PLEKHA5: variants seen among roughly 807,000 people sequenced by gnomAD.
The protein encoded by PLEKHA5 is pleckstrin homology domain-containing family A member 5.
PLEKHA5 carries 55 observed loss-of-function variants against 181.9 expected under a neutral mutation model. The observed-to-expected ratio is 0.30, with a 90% CI of 0.24 to 0.38. The LOEUF is 0.38. PLEKHA5 is among the 10% of genes least tolerant of loss of function. The probability of loss-of-function intolerance (pLI) is 1.00; values close to 1 mark genes in which losing one functional copy is unlikely to be tolerated. For missense variants in PLEKHA5, 1,432 were observed against 1,549.5 expected (o/e 0.92, Z 1.27); for synonymous variants, 535 against 529.4 (o/e 1.01, Z -0.15).
intron 25 of PLEKHA5, among the ~76,000 whole-genome samples, chr12:19,350,864 G>A (rs928671095): frequency 6.7e-5 from 10 of 149,540 alleles, no homozygotes; most frequent in Admixed American, 2.0e-4. Flanking sequence ...ATCTAATGTC[G>A]TTTTTTAAAT....
intron 11 of PLEKHA5, 123 bp downstream of exon 11, chr12:19,275,106 A>G: frequency 7.9e-6 from 5 of 636,240 alleles, no homozygotes; most frequent in Middle Eastern, 3.7e-4. Flanking sequence ...TAGCTTCATT[A>G]CTACGTCTTT....
At chr12:19,341,607 T>C (rs2093934072) in intron 21 of PLEKHA5, among the ~76,000 whole-genome samples, 1 of 152,164 alleles carries the variant, frequency 6.6e-6, no homozygotes, top group Admixed American at 6.6e-5. Flanking sequence ...TTAGGTTATG[T>C]AGTGCCTTTT....
intron 31 of PLEKHA5, among the ~76,000 whole-genome samples, chr12:19,374,018 G>A (rs2095652168): frequency 1.3e-5 from 2 of 152,140 alleles, no homozygotes; most frequent in South Asian, 4.1e-4. Flanking sequence ...CTCATGGTAT[G>A]CAACTACCAC....
chr12:19,294,491 A>G (rs1027600712), intron 15 of PLEKHA5, among the ~76,000 whole-genome samples: 2 of 152,164 alleles, frequency 1.3e-5, no homozygotes, highest in African/African-American at 4.8e-5. Context: ...TATACTATAT[A>G]TCATAACAAA....
intron 20 of PLEKHA5, among the ~76,000 whole-genome samples, chr12:19,334,862 ATATATATCTC>A (rs2093260551): frequency 1.6e-5 from 1 of 62,690 alleles, no homozygotes; most frequent in African/African-American, 4.8e-5. Flanking sequence ...ATATATATAT[ATATATATCTC>A]TGTATACGCA....
chr12:19,167,717 T>C (rs972744215), intron 3 of PLEKHA5, among the ~76,000 whole-genome samples: 5 of 152,110 alleles, frequency 3.3e-5, no homozygotes, highest in Non-Finnish European at 5.9e-5. Flanking sequence ...TTCATTTTAC[T>C]GGGGCAGGTA....
chr12:19,317,376 A>G (rs977394385), intron 16 of PLEKHA5, among the ~76,000 whole-genome samples: 7 of 148,578 alleles, frequency 4.7e-5, no homozygotes, highest in African/African-American at 7.4e-5. Flanking sequence ...TTTTTTAAGC[A>G]TTCTGTATTC....
intron 3 of PLEKHA5, chr12:19,200,272 A>T: frequency 7.5e-7 from 1 of 1,325,486 alleles, no homozygotes; most frequent in Non-Finnish European, 1.0e-6. Context: ...TTATGTACCA[A>T]TAAAAAAAAA....
rs190849095 is a variant in PLEKHA5, at chr12:19,323,918, C to T, written c.2448+1251C>T. On this transcript the variant is annotated intron_variant, in intron 20 of 31. Transcript: ENST00000429027. ...TCTTGGAATTACCAAATCTAAAAGTCTTAACTTGCAGCTTATAAACTGTTT... is the reference window on the plus strand; with the variant it reads ...TCTTGGAATTACCAAATCTAAAAGTTTTAACTTGCAGCTTATAAACTGTTT... 7.2e-5 allele frequency among the ~76,000 whole-genome samples: 11 copies of T among 151,886 alleles called. No individual in the cohort carries two copies. The East Asian group carries it at 1.9e-3, about 27-fold the overall frequency.
At chr12:19,274,047 G>C (rs2073859098) in intron 10 of PLEKHA5, among the ~76,000 whole-genome samples, 1 of 152,122 alleles carries the variant, frequency 6.6e-6, no homozygotes, top group Non-Finnish European at 1.5e-5. Flanking sequence ...TAATTATATG[G>C]TTCAGATCTT....
chr12:19,187,890 C>G (rs1482159657), intron 3 of PLEKHA5, among the ~76,000 whole-genome samples: 3 of 152,026 alleles, frequency 2.0e-5, no homozygotes, highest in Non-Finnish European at 4.4e-5. Context: ...GTTTCTTTCC[C>G]AGTTGGGTGA....
intron 12 of PLEKHA5, among the ~76,000 whole-genome samples, chr12:19,286,462 A>G (rs533860734): frequency 6.6e-5 from 10 of 152,296 alleles, no homozygotes; most frequent in African/African-American, 2.2e-4. Flanking sequence ...CCAACTATAT[A>G]TATTGAGGGT....
chr12:19,325,947 C>T (rs150235491), intron 20 of PLEKHA5, among the ~76,000 whole-genome samples: 1,806 of 151,952 alleles, frequency 0.012, 31 homozygotes, highest in African/African-American at 0.041. Context: ...GCTGAGGTTG[C>T]GGTAAGCCGA....
At chr12:19,140,319 C>T (rs747286806) in intron 3 of PLEKHA5, among the ~76,000 whole-genome samples, 10 of 152,132 alleles carry the variant, frequency 6.6e-5, no homozygotes, top group South Asian at 2.1e-4. Context: ...TCTGTACTAT[C>T]GTGATTAGTA....
chr12:19,216,362 A>G (rs2057975026), intron 3 of PLEKHA5, among the ~76,000 whole-genome samples: 1 of 152,094 alleles, frequency 6.6e-6, no homozygotes, highest in African/African-American at 2.4e-5. Flanking sequence ...TGATCCTTCT[A>G]GTGGTTAAAT....
intron 11 of PLEKHA5, among the ~76,000 whole-genome samples, chr12:19,279,449 G>C (rs1031190037): frequency 1.3e-5 from 2 of 151,962 alleles, no homozygotes; most frequent in African/African-American, 4.8e-5. Context: ...GATCACCTGA[G>C]GTCCGGAGTT....
At chr12:19,170,652 T>C (rs922049384) in intron 3 of PLEKHA5, among the ~76,000 whole-genome samples, 1 of 152,214 alleles carries the variant, frequency 6.6e-6, no homozygotes, top group Non-Finnish European at 1.5e-5. Context: ...TCTCTTGACC[T>C]CGTGATCCGC....
intron 26 of PLEKHA5, among the ~76,000 whole-genome samples, chr12:19,357,516 G>T (rs1427545371): frequency 6.6e-6 from 1 of 152,182 alleles, no homozygotes; most frequent in Non-Finnish European, 1.5e-5. Context: ...AAAGTACTGG[G>T]ATTATAGGCG....
intron 3 of PLEKHA5, among the ~76,000 whole-genome samples, chr12:19,148,255 C>T (rs1358048983): frequency 2.0e-5 from 3 of 152,180 alleles, no homozygotes; most frequent in African/African-American, 7.2e-5. Flanking sequence ...CAGGGTTTCA[C>T]TATGTTGGCC....
Sources: allele counts gnomAD v4.1 joint callset (sites outside exome capture counted in the v4.1 genomes callset), GRCh38; gene constraint gnomAD v4.1.1; transcripts MANE v1.5; gene names NCBI Gene and HGNC (gene_info 2026-07-23, HGNC 2026-07-21).